Variants in ALPK1 observed in about 807,000 individuals in gnomAD.
ALPK1 encodes the protein alpha-protein kinase 1.
In ALPK1, 110 loss-of-function variants were observed where a neutral mutation model predicts 120.6. That is an observed-to-expected ratio of 0.91 (90% CI 0.78 to 1.07). ALPK1 has a LOEUF of 1.07. Ranked by LOEUF, ALPK1 falls within the 50% of genes least tolerant of loss-of-function variation. The probability of loss-of-function intolerance (pLI) is 0.00; values close to 1 mark genes in which losing one functional copy is unlikely to be tolerated. For synonymous variants in ALPK1, 582 were observed against 560.3 expected (o/e 1.04, Z -0.55); for missense variants, 1,498 against 1,483.9 (o/e 1.01, Z -0.16).
chr4:112,430,308 A>AT (rs1381485010), intron 10 of ALPK1, 140 bp from the exon 11 acceptor site: 1 of 852,500 alleles, frequency 1.2e-6, no homozygotes, highest in African/African-American at 1.7e-5. Context: ...TTGCCTGTAT[A>AT]TTTTCCTTAG....
intron 2 of ALPK1, among the ~76,000 whole-genome samples, chr4:112,374,534 G>T (rs1173457756): frequency 6.6e-6 from 1 of 152,054 alleles, no homozygotes. Flanking sequence ...TATCTAGAAT[G>T]GTGATTCCTT....
At chr4:112,355,672 A>G (rs1730571250) in intron 2 of ALPK1, among the ~76,000 whole-genome samples, 1 of 152,182 alleles carries the variant, frequency 6.6e-6, no homozygotes, top group Admixed American at 6.5e-5. Flanking sequence ...GATGGAAGTG[A>G]GGTTCACTGG....
intron 5 of ALPK1, among the ~76,000 whole-genome samples, chr4:112,418,119 G>A (rs1413064456): frequency 1.3e-5 from 2 of 152,104 alleles, no homozygotes; most frequent in Non-Finnish European, 2.9e-5. Flanking sequence ...GACTCAGATA[G>A]AACACCTAAA....
Position 112,360,291 on chromosome 4 carries a change from G to GTA in ALPK1, c.-100-17377_-100-17376dup, listed in dbSNP as rs558521952. 4.1e-3 allele frequency among the ~76,000 whole-genome samples: 618 copies of GTA among 152,026 alleles called. 4 individuals are homozygous for GTA. Among genetic ancestry groups the GTA allele is most frequent in the African/African-American group, 0.014 (576 of 41,476 alleles). On this transcript the variant is annotated intron_variant, in intron 2 of 15. Coordinates refer to ENST00000650871, the MANE Select transcript of ALPK1 (RefSeq NM_025144.4). ...AAGGCTGAGTAATATTCCATTGTGT[G>GTA]TATATATATATGACATTTTCTTTGT...
At chr4:112,339,542 AAT>A (rs1729768280) in intron 2 of ALPK1, among the ~76,000 whole-genome samples, 3 of 152,228 alleles carry the variant, frequency 2.0e-5, no homozygotes, top group Non-Finnish European at 1.5e-5. Context: ...CTTTTAAAAA[AAT>A]AATTTAAACA....
At position 112,435,207 on chromosome 4, in the gene ALPK1, G is replaced by A. The variant is rs139190227; in HGVS notation, c.3094G>A (p.Val1032Ile). 1.5e-5 allele frequency: 24 copies of A among 1,613,218 alleles called. No individual in the cohort carries two copies. The highest frequency in any genetic ancestry group is 2.2e-5 in the South Asian group (2 of 90,938). ...SELWTAQETI[V>I]YLGDYLTVKK... Reference sequence around the variant, plus strand: ...ACTGTGGACGGCCCAGGAAACTATTGTCTATTTGGGGGACTACTTGACTGT... The same window carrying A: ...ACTGTGGACGGCCCAGGAAACTATTATCTATTTGGGGGACTACTTGACTGT... Residue 1032 changes from valine to isoleucine, a missense_variant, in exon 12 of 16, where the codon GTC becomes ATC. Coordinates refer to ENST00000650871, the MANE Select transcript of ALPK1 (RefSeq NM_025144.4).
rs533251378 is a variant in ALPK1 at position 112,359,662 on chromosome 4, C to T, written c.-100-18016C>T. The T allele has an allele frequency of 1.3e-4, 31 of 237,998 alleles. 1 individual carries two copies. In the South Asian group the frequency reaches 1.9e-3, roughly 15 times the overall value. The allele number at this position is 237,998 out of a possible 1,614,324, so 14.7% of individuals were successfully genotyped here. The stretch of plus-strand genomic sequence containing the variant: ...TTCCTCAGACAGAGGCCAGCAGGGG[C>T]CTTGGGGGAGGATGGTGCGGCTGCA... On this transcript the variant is annotated intron_variant, in intron 2 of 15. Coordinates refer to ENST00000650871, the MANE Select transcript of ALPK1 (RefSeq NM_025144.4).
chr4:112,349,434 G>A (rs1175296486), intron 2 of ALPK1, among the ~76,000 whole-genome samples: 1 of 151,928 alleles, frequency 6.6e-6, no homozygotes, highest in Non-Finnish European at 1.5e-5. Context: ...AGCAATAATT[G>A]ATACCTATGA....
At position 112,431,290 on chromosome 4, in the gene ALPK1, T is replaced by A. The variant is rs188445796; in HGVS notation, c.1743T>A (p.Ser581Arg). Reference sequence around the variant, plus strand: ...CTCTGAGTGGCAGCCAGACTTCCAGTGCTTGGAGCAACTTATCAGGGTTTA... The same window carrying A: ...CTCTGAGTGGCAGCCAGACTTCCAGAGCTTGGAGCAACTTATCAGGGTTTA... The part of the protein sequence containing the change: ...NKSLSGSQTS[S>R]AWSNLSGFSS... Residue 581 changes from serine (S) to arginine (R), a missense_variant, in exon 11 of 16, where the codon AGT (serine) becomes AGA (arginine). Ser to Arg is a moderately radical substitution (Grantham distance 110). Transcript: ENST00000650871. The A allele has an allele frequency of 1.8e-4, 287 of 1,614,224 alleles. 2 individuals are homozygous for A. Among genetic ancestry groups the A allele is most frequent in the Middle Eastern group, 1.6e-4 (1 of 6,062 alleles).
At chr4:112,399,977 T>C (rs781227606) in intron 4 of ALPK1, among the ~76,000 whole-genome samples, 1 of 152,204 alleles carries the variant, frequency 6.6e-6, no homozygotes, top group Non-Finnish European at 1.5e-5. Flanking sequence ...ATGTACCACA[T>C]TTTCTTTATC....
chr4:112,436,066 A>G (rs879652372), intron 12 of ALPK1, among the ~76,000 whole-genome samples: 1 of 152,280 alleles, frequency 6.6e-6, no homozygotes, highest in East Asian at 1.9e-4. Context: ...TAAAAGACCT[A>G]TAAGCCATGA....
chr4:112,339,336 T>G (rs1414286688), intron 2 of ALPK1, among the ~76,000 whole-genome samples: 3 of 152,212 alleles, frequency 2.0e-5, no homozygotes, highest in Non-Finnish European at 4.4e-5. Flanking sequence ...GTCTCTTGCT[T>G]TGATATCATA....
At chr4:112,378,645 T>G (rs1429594901) in intron 3 of ALPK1, among the ~76,000 whole-genome samples, 1 of 152,218 alleles carries the variant, frequency 6.6e-6, no homozygotes, top group African/African-American at 2.4e-5. Flanking sequence ...CCATAAGTAC[T>G]GTCCTTTGTA....
In ALPK1 at chr4:112,431,299, C is replaced by A. The variant is rs1734538066; in HGVS notation, c.1752C>A (p.Ser584Arg). Residue 584 changes from serine (S) to arginine (R), a missense_variant, in exon 11 of 16, where the codon AGC becomes AGA. Ser to Arg is a moderately radical substitution (Grantham distance 110, BLOSUM62 -1). Coordinates refer to ENST00000650871, the MANE Select transcript of ALPK1 (RefSeq NM_025144.4). ...LSGSQTSSAW[S>R]NLSGFSSSAS... Reference sequence around the variant, plus strand: ...GCAGCCAGACTTCCAGTGCTTGGAGCAACTTATCAGGGTTTAGTTCCTCTG... The same window carrying A: ...GCAGCCAGACTTCCAGTGCTTGGAGAAACTTATCAGGGTTTAGTTCCTCTG... The A allele has an allele frequency of 2.5e-6, 4 of 1,614,040 alleles. No homozygotes were observed. Among genetic ancestry groups the A allele is most frequent in the Non-Finnish European group, 3.4e-6 (4 of 1,180,038 alleles).
chr4:112,420,421 G>T (rs530768444), intron 5 of ALPK1, among the ~76,000 whole-genome samples: 1 of 152,044 alleles, frequency 6.6e-6, no homozygotes, highest in Non-Finnish European at 1.5e-5. Flanking sequence ...TCAGAGCCTC[G>T]TACCATTAAG....
chr4:112,377,958 C>T lies in ALPK1; in HGVS notation c.121+60C>T, dbSNP rs1302200289. The T allele has an allele frequency of 4.0e-6, 6 of 1,516,904 alleles. No homozygotes were observed. The East Asian group carries it at 9.5e-5, about 24-fold the overall frequency. The allele number at this position is 1,516,904 out of a possible 1,614,324, so 94.0% of individuals were successfully genotyped here. On this transcript the variant is annotated intron_variant, in intron 3 of 15. Coordinates refer to ENST00000650871, the MANE Select transcript of ALPK1 (RefSeq NM_025144.4). Reference sequence around the variant, plus strand: ...AGCAGGTTCACTCTCCTGTCCCCTGCCTGAACGACACGTTCTTATCTCTGC... The same window carrying T: ...AGCAGGTTCACTCTCCTGTCCCCTGTCTGAACGACACGTTCTTATCTCTGC...
intron 7 of ALPK1, 146 bp from the exon 8 acceptor site, chr4:112,426,321 G>A: frequency 8.1e-6 from 4 of 493,096 alleles, no homozygotes; most frequent in East Asian, 3.3e-5. Context: ...ACATTGCTGT[G>A]TCAATCTAAT....
intron 3 of ALPK1, among the ~76,000 whole-genome samples, chr4:112,378,285 C>T (rs1317149379): frequency 6.6e-6 from 1 of 152,130 alleles, no homozygotes. Flanking sequence ...CATCGGTTTC[C>T]ATAGACTTCT....
chr4:112,330,892 C>T (rs769001209), intron 2 of ALPK1, among the ~76,000 whole-genome samples: 8 of 152,254 alleles, frequency 5.3e-5, no homozygotes, highest in Non-Finnish European at 7.4e-5. Flanking sequence ...AGTCCACAGA[C>T]GGTATTGCTA....
Sources: gnomAD v4.1 joint callset for allele counts (sites outside exome capture counted in the v4.1 genomes callset) on GRCh38, gnomAD v4.1.1 for gene constraint, MANE v1.5 for transcripts, NCBI Gene and HGNC (gene_info 2026-07-23, HGNC 2026-07-21) for gene names.